Variants in AGBL3 observed in about 807,000 individuals in gnomAD.
The protein encoded by AGBL3 is cytosolic carboxypeptidase 3.
Under a neutral mutation model 94.5 loss-of-function variants are expected in AGBL3, and 68 were observed. The observed-to-expected ratio is 0.72, with a 90% CI of 0.59 to 0.88. The LOEUF is 0.88. AGBL3 is among the 40% of genes least tolerant of loss of function. The probability of loss-of-function intolerance (pLI) is 0.00; values close to 1 mark genes in which losing one functional copy is unlikely to be tolerated. For missense variants in AGBL3, 934 were observed against 1,103.8 expected (o/e 0.85, Z 2.18); for synonymous variants, 354 against 370.7 (o/e 0.95, Z 0.52).
intron 16 of AGBL3, among the ~76,000 whole-genome samples, chr7:135,130,908 G>A (rs1487633127): frequency 6.6e-6 from 1 of 152,040 alleles, no homozygotes; most frequent in Non-Finnish European, 1.5e-5. Context: ...TTGGTGGGTG[G>A]CTTAGAAGCA....
rs191559189 is a variant in AGBL3 at position 135,038,452 on chromosome 7, A to G, written c.1500+872A>G. 1.7e-4 allele frequency among the ~76,000 whole-genome samples: 26 copies of G among 152,342 alleles called. No homozygotes were observed. The Middle Eastern group carries it at 0.014, about 80-fold the overall frequency. The stretch of plus-strand genomic sequence containing the variant: ...AGGTATAGTTTATTACTCCTATAAA[A>G]TAATTCTGTGTTACTAAGATATTTT... On this transcript the variant is annotated intron_variant, in intron 8 of 16. Coordinates refer to ENST00000436302, the MANE Select transcript of AGBL3 (RefSeq NM_178563.4).
intron 5 of AGBL3, among the ~76,000 whole-genome samples, chr7:135,030,723 A>C (rs890915841): frequency 6.6e-6 from 1 of 152,046 alleles, no homozygotes; most frequent in African/African-American, 2.4e-5. Flanking sequence ...TGGATTCTAG[A>C]TACGTCCCCC....
At chr7:134,990,157 T>C (rs1371204778) in intron 3 of AGBL3, among the ~76,000 whole-genome samples, 4 of 152,228 alleles carry the variant, frequency 2.6e-5, no homozygotes, top group African/African-American at 9.7e-5. Context: ...CCATTTATAC[T>C]AATCCCTTTA....
chr7:135,037,653 T>C, intron 8 of AGBL3, 73 bp downstream of exon 8: 1 of 1,260,936 alleles, frequency 7.9e-7, no homozygotes, highest in Non-Finnish European at 1.1e-6. Flanking sequence ...ATGGCCCACG[T>C]GGATAATACT....
chr7:135,020,088 T>A (rs976147010), intron 5 of AGBL3, among the ~76,000 whole-genome samples: 6 of 152,320 alleles, frequency 3.9e-5, no homozygotes, highest in African/African-American at 1.4e-4. Flanking sequence ...AAAGAGCTTC[T>A]GTACAGCAAA....
At chr7:135,042,912 A>C (rs1476211609) in intron 8 of AGBL3, among the ~76,000 whole-genome samples, 2 of 152,182 alleles carry the variant, frequency 1.3e-5, no homozygotes, top group African/African-American at 4.8e-5. Context: ...ACCCTGTCTC[A>C]AAAACAAAAA....
At chr7:135,036,102 T>C (rs1800667792) in intron 7 of AGBL3, among the ~76,000 whole-genome samples, 2 of 152,108 alleles carry the variant, frequency 1.3e-5, no homozygotes, top group African/African-American at 4.8e-5. Context: ...GTTACAAATG[T>C]AATATATTTC....
intron 15 of AGBL3, among the ~76,000 whole-genome samples, chr7:135,082,036 G>C (rs1820962765): frequency 6.6e-6 from 1 of 152,122 alleles, no homozygotes; most frequent in Non-Finnish European, 1.5e-5. Flanking sequence ...TTCACCTTCT[G>C]CCCATGACAG....
At chr7:135,125,732 G>A (rs1457682377) in intron 16 of AGBL3, among the ~76,000 whole-genome samples, 3 of 152,130 alleles carry the variant, frequency 2.0e-5, no homozygotes, top group African/African-American at 7.2e-5. Flanking sequence ...ATGCAAGGCT[G>A]GTTCAACATA....
intron 4 of AGBL3, among the ~76,000 whole-genome samples, chr7:135,002,972 CTTATA>C (rs1331382793): frequency 2.0e-5 from 3 of 152,068 alleles, no homozygotes; most frequent in Non-Finnish European, 4.4e-5. Flanking sequence ...ATTACTGTGT[CTTATA>C]TGTTACATGC....
At chr7:135,024,500 T>C (rs866857136) in intron 5 of AGBL3, among the ~76,000 whole-genome samples, 9 of 152,234 alleles carry the variant, frequency 5.9e-5, no homozygotes, top group African/African-American at 2.2e-4. Context: ...CAACTGACTA[T>C]ACTCAACTTA....
At chr7:135,128,540 G>A in intron 16 of AGBL3, 1 of 766,752 alleles carries the variant, frequency 1.3e-6, no homozygotes, top group Non-Finnish European at 2.4e-6. Flanking sequence ...CCAAGGTGGA[G>A]AAACCAGGAT....
At position 134,993,644 on chromosome 7, in the gene AGBL3, T is replaced by C. The variant is rs1480782517; in HGVS notation, c.276T>C (p.His92=). The change falls in exon 4 of 17, where the codon CAT becomes CAC. Residue 92 remains histidine (H), a synonymous_variant. Coordinates refer to ENST00000436302, the MANE Select transcript of AGBL3 (RefSeq NM_178563.4). ...GPLSPTRWPY[H]CEVIDEKVQH... ...TGAGCCCAACACGGTGGCCATACCATTGTGAAGTCATCGATGAAAAAGTCC... is the reference window on the plus strand; with the variant it reads ...TGAGCCCAACACGGTGGCCATACCACTGTGAAGTCATCGATGAAAAAGTCC... 1.9e-6 allele frequency: 3 copies of C among 1,551,442 alleles called. No individual in the cohort carries two copies. The highest frequency in any genetic ancestry group is 2.6e-6 in the Non-Finnish European group (3 of 1,146,746).
chr7:135,002,509 AAT>A (rs1437835654), intron 4 of AGBL3, among the ~76,000 whole-genome samples: 1 of 152,144 alleles, frequency 6.6e-6, no homozygotes, highest in Non-Finnish European at 1.5e-5. Flanking sequence ...ATCCAAAATT[AAT>A]ATAATGTGGC....
chr7:135,135,092 G>A lies in AGBL3; in HGVS notation c.2594G>A (p.Ser865Asn). ...AGCAAGTGGGAGACTGCTTCTTCAA[G>A]CTTTGGAATGGATGCAAATGTTCTA... The part of the protein sequence containing the change: ...LSSKWETASS[S>N]FGMDANVLKY... The change falls in exon 17 of 17, where the codon AGC becomes AAC. Residue 865 changes from serine (S) to asparagine (N), a missense_variant. Transcript: ENST00000436302. The A allele has an allele frequency of 6.4e-7, 1 of 1,551,198 alleles. No individual in the cohort carries two copies. The highest frequency in any genetic ancestry group is 8.7e-7 in the Non-Finnish European group (1 of 1,146,644).
intron 5 of AGBL3, among the ~76,000 whole-genome samples, chr7:135,029,628 T>C (rs1003488307): frequency 6.6e-6 from 1 of 152,234 alleles, no homozygotes; most frequent in African/African-American, 2.4e-5. Flanking sequence ...TCTTATCATC[T>C]GTGTGTTCAC....
chr7:135,091,964 G>T (rs991467584), intron 15 of AGBL3, among the ~76,000 whole-genome samples: 3 of 152,220 alleles, frequency 2.0e-5, no homozygotes, highest in African/African-American at 7.2e-5. Context: ...CTGCAAGAAT[G>T]ATTTCTTAAA....
intron 15 of AGBL3, among the ~76,000 whole-genome samples, chr7:135,086,315 T>G (rs994637842): frequency 4.6e-5 from 7 of 152,204 alleles, no homozygotes; most frequent in African/African-American, 1.7e-4. Flanking sequence ...ATGCCCTTTA[T>G]TTCTTTCTCT....
chr7:135,053,058 G>A (rs113348476), intron 11 of AGBL3, among the ~76,000 whole-genome samples: 7 of 152,238 alleles, frequency 4.6e-5, no homozygotes, highest in African/African-American at 9.6e-5. Flanking sequence ...TTTGAAAAAG[G>A]AACATAATAA....
Sources: allele counts gnomAD v4.1 joint callset (sites outside exome capture counted in the v4.1 genomes callset), GRCh38; gene constraint gnomAD v4.1.1; transcripts MANE v1.5; gene names NCBI Gene and HGNC (gene_info 2026-07-23, HGNC 2026-07-21).